The following GRIK2 variants were observed in gnomAD, a reference collection of about 807,000 sequenced individuals.
The protein encoded by GRIK2 is glutamate receptor ionotropic, kainate 2.
GRIK2 carries 32 observed loss-of-function variants against 100.3 expected under a neutral mutation model. The ratio of observed to expected loss-of-function variants is 0.32; its 90% CI spans 0.24 to 0.43. The LOEUF is 0.43. Among genes scored for constraint, GRIK2 ranks in the 20% least tolerant of loss-of-function variants. The probability of loss-of-function intolerance (pLI) is 1.00; values close to 1 mark genes in which losing one functional copy is unlikely to be tolerated. For missense variants in GRIK2, 843 were observed against 1,114.9 expected (o/e 0.76, Z 3.47); for synonymous variants, 417 against 389.4 (o/e 1.07, Z -0.83).
chr6:101,733,266 T>C (rs955147805), intron 7 of GRIK2, among the ~76,000 whole-genome samples: 1 of 152,126 alleles, frequency 6.6e-6, no homozygotes, highest in Non-Finnish European at 1.5e-5. Context: ...TGAGAAAAAT[T>C]TCCTTTTTAT....
chr6:101,788,046 C>T (rs1192360883), intron 7 of GRIK2, among the ~76,000 whole-genome samples: 1 of 151,244 alleles, frequency 6.6e-6, no homozygotes, highest in Non-Finnish European at 1.5e-5. Context: ...TATATAATGA[C>T]CTGGTTTGTC....
chr6:101,886,240 A>G (rs937249136), intron 11 of GRIK2, among the ~76,000 whole-genome samples: 3 of 152,150 alleles, frequency 2.0e-5, no homozygotes, highest in African/African-American at 7.2e-5. Context: ...TATGCATACA[A>G]GTTTCCCCCA....
intron 15 of GRIK2, among the ~76,000 whole-genome samples, chr6:102,054,206 C>T (rs542437958): frequency 7.2e-5 from 11 of 152,228 alleles, no homozygotes; most frequent in African/African-American, 2.6e-4. Flanking sequence ...ACTTTTTAAA[C>T]AGGTTACTTA....
intron 2 of GRIK2, among the ~76,000 whole-genome samples, chr6:101,447,422 G>T (rs1244025284): frequency 6.6e-6 from 1 of 151,594 alleles, no homozygotes; most frequent in African/African-American, 2.4e-5. Flanking sequence ...CTCTATATTT[G>T]CTTTCTTCAT....
chr6:101,971,774 T>G (rs1793067408), intron 14 of GRIK2, among the ~76,000 whole-genome samples: 1 of 151,864 alleles, frequency 6.6e-6, no homozygotes, highest in African/African-American at 2.4e-5. Context: ...TAGTTCACAT[T>G]GTCTATTATT....
At chr6:102,063,117 G>A (rs1396736802) in intron 16 of GRIK2, among the ~76,000 whole-genome samples, 1 of 150,548 alleles carries the variant, frequency 6.6e-6, no homozygotes, top group Non-Finnish European at 1.5e-5. Flanking sequence ...TGGTTGATAT[G>A]TACTAGAATA....
At chr6:102,057,690 TGAGA>T in intron 16 of GRIK2, among the ~76,000 whole-genome samples, 1 of 152,016 alleles carries the variant, frequency 6.6e-6, no homozygotes, top group East Asian at 1.9e-4. Flanking sequence ...GGTTAGCAGA[TGAGA>T]CCCTTTCACA....
chr6:101,952,871 C>G (rs1459187168), intron 14 of GRIK2, among the ~76,000 whole-genome samples: 1 of 152,054 alleles, frequency 6.6e-6, no homozygotes, highest in Admixed American at 6.6e-5. Flanking sequence ...CAAAGTGTCA[C>G]CACAATAATT....
intron 10 of GRIK2, among the ~76,000 whole-genome samples, chr6:101,827,453 T>C (rs1307593535): frequency 6.6e-6 from 1 of 151,126 alleles, no homozygotes; most frequent in South Asian, 2.1e-4. Flanking sequence ...CTTTAAAACA[T>C]AGCCCCACAT....
chr6:101,770,269 T>C lies in GRIK2; in HGVS notation c.952-29379T>C, dbSNP rs191238030. On this transcript the variant is annotated intron_variant, in intron 7 of 16. Coordinates refer to ENST00000369134, the MANE Select transcript of GRIK2 (RefSeq NM_021956.5). ...TCCTGTTGCTTATTTATCTGTGGAG[T>C]TGCTGTTCATTCTGGTTTTCCTCTG... 7.7e-4 allele frequency among the ~76,000 whole-genome samples: 117 copies of C among 152,216 alleles called. 1 individual carries two copies. Among genetic ancestry groups the C allele is most frequent in the African/African-American group, 2.6e-3 (106 of 41,532 alleles).
At chr6:101,894,705 A>G (rs1267318387) in intron 12 of GRIK2, among the ~76,000 whole-genome samples, 1 of 151,758 alleles carries the variant, frequency 6.6e-6, no homozygotes, top group Non-Finnish European at 1.5e-5. Flanking sequence ...TATTTATTTT[A>G]TTAAACTAAA....
chr6:101,711,298 G>A (rs780846683), intron 7 of GRIK2, among the ~76,000 whole-genome samples: 21 of 151,620 alleles, frequency 1.4e-4, no homozygotes, highest in Non-Finnish European at 2.8e-4. Context: ...TAAATATGTT[G>A]CCAAATATAT....
At chr6:101,711,894 A>T (rs904895336) in intron 7 of GRIK2, among the ~76,000 whole-genome samples, 27 of 151,942 alleles carry the variant, frequency 1.8e-4, no homozygotes, top group African/African-American at 6.5e-4. Context: ...AGACTGTGGC[A>T]TTATACGTGA....
intron 1 of GRIK2, among the ~76,000 whole-genome samples, chr6:101,395,252 C>A (rs1774957739): frequency 6.6e-6 from 1 of 152,180 alleles, no homozygotes; most frequent in African/African-American, 2.4e-5. Flanking sequence ...AGCTAAATTG[C>A]TATGCAACAG....
chr6:101,419,752 C>T (rs946386531), intron 2 of GRIK2, among the ~76,000 whole-genome samples: 23 of 152,176 alleles, frequency 1.5e-4, no homozygotes, highest in Admixed American at 3.9e-4. Flanking sequence ...CTTTAGGCTT[C>T]TGACCCTGCC....
chr6:101,573,255 CTCGAA>C (rs536658199), intron 2 of GRIK2, among the ~76,000 whole-genome samples: 9 of 152,108 alleles, frequency 5.9e-5, no homozygotes, highest in Non-Finnish European at 1.3e-4. Context: ...TCAAACTTTG[CTCGAA>C]TCATCTTTTA....
At chr6:101,828,296 T>G (rs1782462950) in intron 10 of GRIK2, among the ~76,000 whole-genome samples, 2 of 151,990 alleles carry the variant, frequency 1.3e-5, no homozygotes, top group Admixed American at 1.3e-4. Flanking sequence ...AGAAGAAAGT[T>G]TATGGTGCTA....
At chr6:101,841,138 G>A (rs913021229) in intron 10 of GRIK2, among the ~76,000 whole-genome samples, 1 of 152,150 alleles carries the variant, frequency 6.6e-6, no homozygotes, top group Non-Finnish European at 1.5e-5. Context: ...TCAAAGTGAA[G>A]CACACACTTT....
intron 14 of GRIK2, among the ~76,000 whole-genome samples, chr6:101,929,963 A>G (rs562383456): frequency 6.6e-6 from 1 of 152,246 alleles, no homozygotes; most frequent in South Asian, 2.1e-4. Flanking sequence ...ATTGCGATGG[A>G]TCAGTTTTTC....
Sources: gnomAD v4.1 joint callset for allele counts (sites outside exome capture counted in the v4.1 genomes callset) on GRCh38, gnomAD v4.1.1 for gene constraint, MANE v1.5 for transcripts, NCBI Gene and HGNC (gene_info 2026-07-23, HGNC 2026-07-21) for gene names.